The following ARHGAP24 variants were observed in gnomAD, a reference collection of about 807,000 sequenced individuals.
ARHGAP24 encodes rho GTPase-activating protein 24.
ARHGAP24 carries 50 observed loss-of-function variants against 76.4 expected under a neutral mutation model. The observed-to-expected ratio is 0.65, with a 90% CI of 0.52 to 0.83. The LOEUF (loss-of-function observed/expected upper bound fraction) is 0.83. Ranked by LOEUF, ARHGAP24 falls within the 40% of genes least tolerant of loss-of-function variation. The probability of loss-of-function intolerance (pLI) is 0.00; values close to 1 mark genes in which losing one functional copy is unlikely to be tolerated. For missense variants in ARHGAP24, 930 were observed against 914.2 expected, an observed-to-expected ratio of 1.02 and a Z score of -0.22; for synonymous variants, 345 against 323.3, an observed-to-expected ratio of 1.07 and a Z score of -0.72.
intron 1 of ARHGAP24, among the ~76,000 whole-genome samples, chr4:85,510,402 A>T (rs1357389994): frequency 6.6e-6 from 1 of 151,794 alleles, no homozygotes. Context: ...CTCCTAATGT[A>T]CCACTCCCCT....
intron 2 of ARHGAP24, among the ~76,000 whole-genome samples, chr4:85,674,960 A>C (rs570154856): frequency 6.6e-6 from 1 of 152,318 alleles, no homozygotes; most frequent in East Asian, 1.9e-4. Context: ...CGTCACAAGC[A>C]TGGGGCAGCT....
intron 5 of ARHGAP24, among the ~76,000 whole-genome samples, chr4:85,945,209 C>T (rs1737181157): frequency 6.6e-6 from 1 of 152,044 alleles, no homozygotes; most frequent in Admixed American, 6.6e-5. Flanking sequence ...GTAGCATGAT[C>T]TCAGCTCACT....
intron 2 of ARHGAP24, among the ~76,000 whole-genome samples, chr4:85,578,455 A>AT (rs1289022161): frequency 2.0e-5 from 3 of 152,138 alleles, no homozygotes; most frequent in Non-Finnish European, 4.4e-5. Context: ...CACACTCATA[A>AT]TTTTCTCCAG....
intron 2 of ARHGAP24, among the ~76,000 whole-genome samples, chr4:85,590,275 CCCTT>C (rs550404763): frequency 3.0e-3 from 417 of 140,696 alleles, no homozygotes; most frequent in African/African-American, 3.9e-3. Context: ...ATCCCTCCCA[CCCTT>C]CCTTCCTTCC....
At chr4:85,654,652 T>C (rs886305899) in intron 2 of ARHGAP24, among the ~76,000 whole-genome samples, 1 of 152,178 alleles carries the variant, frequency 6.6e-6, no homozygotes, top group Non-Finnish European at 1.5e-5. Flanking sequence ...TTAATCTACA[T>C]TTTGAAATTG....
At position 85,681,706 on chromosome 4, in the gene ARHGAP24, A is replaced by G. The variant is rs536328867; in HGVS notation, c.181-40179A>G. 4.6e-5 allele frequency among the ~76,000 whole-genome samples: 7 copies of G among 152,354 alleles called. No individual in the cohort carries two copies. The South Asian group carries it at 1.2e-3, about 27-fold the overall frequency. ...TCCTGCATGCAAAACACAATAGGTA[A>G]CAGTTCTTCATGCAGGATCCTCTAC... On this transcript the variant is annotated intron_variant, in intron 2 of 9. Transcript: ENST00000395184.
At chr4:85,552,282 C>T (rs1726171470) in intron 1 of ARHGAP24, among the ~76,000 whole-genome samples, 2 of 152,082 alleles carry the variant, frequency 1.3e-5, no homozygotes, top group Admixed American at 1.3e-4. Context: ...ATTGATTAAC[C>T]AAAGGTCATT....
At chr4:85,964,776 A>C (rs565254903) in intron 5 of ARHGAP24, among the ~76,000 whole-genome samples, 1 of 152,254 alleles carries the variant, frequency 6.6e-6, no homozygotes, top group East Asian at 1.9e-4. Flanking sequence ...AGTAATCTCT[A>C]TCTTACAGCT....
chr4:85,495,848 C>G (rs1268645456), intron 1 of ARHGAP24, among the ~76,000 whole-genome samples: 1 of 152,148 alleles, frequency 6.6e-6, no homozygotes, highest in South Asian at 2.1e-4. Context: ...CTCTCCTTAG[C>G]TGTAATTTAT....
At chr4:85,596,306 A>G (rs1719835376) in intron 2 of ARHGAP24, among the ~76,000 whole-genome samples, 1 of 152,026 alleles carries the variant, frequency 6.6e-6, no homozygotes, top group Admixed American at 6.6e-5. Flanking sequence ...GCCAGCATTG[A>G]AGGTCAAACA....
At chr4:85,791,666 G>C (rs1728132982) in intron 3 of ARHGAP24, among the ~76,000 whole-genome samples, 1 of 152,172 alleles carries the variant, frequency 6.6e-6, no homozygotes, top group Non-Finnish European at 1.5e-5. Flanking sequence ...TGGGATCATG[G>C]AAGCACATAT....
At chr4:85,937,461 A>G (rs1267192281) in intron 4 of ARHGAP24, among the ~76,000 whole-genome samples, 4 of 152,360 alleles carry the variant, frequency 2.6e-5, no homozygotes, top group Admixed American at 2.6e-4. Context: ...AGATTATAGC[A>G]ATAGCCCAAA....
In ARHGAP24 at chr4:85,806,587, G is replaced by A. The variant is rs1252729592; in HGVS notation, c.268+84615G>A. On this transcript the variant is annotated intron_variant, in intron 3 of 9. Transcript: ENST00000395184. ...CTATGACATATTTTTTTAATTGGGG[G>A]CTGGATTGGGAACTCAACAAGAGAA... is the stretch of plus-strand genomic sequence containing the variant. Among the ~76,000 whole-genome samples the A allele has an allele frequency of 2.0e-5, 3 of 152,004 alleles. No individual in the cohort carries two copies. The East Asian group carries it at 5.8e-4, about 29-fold the overall frequency.
At chr4:85,982,362 T>G (rs1015659553) in intron 8 of ARHGAP24, among the ~76,000 whole-genome samples, 1 of 151,198 alleles carries the variant, frequency 6.6e-6, no homozygotes, top group East Asian at 1.9e-4. Flanking sequence ...GGTGCACAAG[T>G]AGATAAGTTG....
chr4:85,564,369 A>G lies in ARHGAP24; in HGVS notation c.-20-6153A>G, dbSNP rs939617550. Among the ~76,000 whole-genome samples, 24 of 150,034 alleles carry G rather than the reference A, an allele frequency of 1.6e-4. No homozygotes were observed. The East Asian group carries it at 4.3e-3, about 27-fold the overall frequency. Reference sequence around the variant, plus strand: ...GAGAACACTTGGACACAGGAAGGGGAACATCACACACCGGGGCCTGTTGTG... The same window carrying G: ...GAGAACACTTGGACACAGGAAGGGGGACATCACACACCGGGGCCTGTTGTG... On this transcript the variant is annotated intron_variant, in intron 1 of 9. Coordinates refer to ENST00000395184, the MANE Select transcript of ARHGAP24 (RefSeq NM_001025616.3).
chr4:85,974,766 A>G, intron 6 of ARHGAP24, 122 bp from the exon 7 acceptor site: 1 of 824,326 alleles, frequency 1.2e-6, no homozygotes, highest in Non-Finnish European at 1.9e-6. Flanking sequence ...TTTTCGGGAC[A>G]AGATCTTTCA....
intron 2 of ARHGAP24, among the ~76,000 whole-genome samples, chr4:85,667,956 G>A (rs924186842): frequency 6.6e-6 from 1 of 152,170 alleles, no homozygotes; most frequent in South Asian, 2.1e-4. Context: ...TTTATGGAAA[G>A]GGTAAATAAA....
intron 3 of ARHGAP24, among the ~76,000 whole-genome samples, chr4:85,866,851 A>G (rs1351447912): frequency 6.6e-6 from 1 of 152,070 alleles, no homozygotes; most frequent in African/African-American, 2.4e-5. Flanking sequence ...AGGGAAATCA[A>G]TTCTAGTTGG....
intron 2 of ARHGAP24, among the ~76,000 whole-genome samples, chr4:85,712,748 A>C (rs1724575782): frequency 6.6e-6 from 1 of 152,190 alleles, no homozygotes; most frequent in Non-Finnish European, 1.5e-5. Context: ...TACCCAGATA[A>C]TCCAGGAGAA....
Sources: gnomAD v4.1 joint callset for allele counts (sites outside exome capture counted in the v4.1 genomes callset) on GRCh38, gnomAD v4.1.1 for gene constraint, MANE v1.5 for transcripts, NCBI Gene and HGNC (gene_info 2026-07-23, HGNC 2026-07-21) for gene names.